EPHB3: variants seen among roughly 807,000 people sequenced by gnomAD.
The protein encoded by EPHB3 is ephrin type-B receptor 3.
In EPHB3, 33 loss-of-function variants were observed where a neutral mutation model predicts 100.2. The ratio of observed to expected loss-of-function variants is 0.33; its 90% CI spans 0.25 to 0.44. EPHB3 has a LOEUF of 0.44. Ranked by LOEUF, EPHB3 falls within the 20% of genes least tolerant of loss-of-function variation. The pLI, the probability that EPHB3 is intolerant of heterozygous loss-of-function variation, is 1.00. For synonymous variants in EPHB3, 526 were observed against 554.7 expected (o/e 0.95, Z 0.73); for missense variants, 1,045 against 1,378.3 (o/e 0.76, Z 3.83).
Position 184,562,138 on chromosome 3 carries a change from C to T in EPHB3, c.-98C>T. Reference sequence around the variant, plus strand: ...CCTGGGACCCGACGCGAGCCTGCCCCGGAGCCCGCCGAGCGCACCCTCTCT... The same window carrying T: ...CCTGGGACCCGACGCGAGCCTGCCCTGGAGCCCGCCGAGCGCACCCTCTCT... On this transcript the variant is annotated 5_prime_UTR_variant, in exon 1 of 16. Transcript: ENST00000330394. This position sits in a 1 kb window ranked among gnomAD's most constrained non-coding sequence, Gnocchi z 4.8. 5.4e-6 allele frequency: 1 copy of T among 184,626 alleles called. No homozygotes were observed. The highest frequency in any genetic ancestry group is 1.1e-5 in the Non-Finnish European group (1 of 92,540). The allele number at this position is 184,626 out of a possible 1,614,324, so 11.4% of individuals were successfully genotyped here.
chr3:184,578,554 C>A lies in EPHB3; in HGVS notation c.1801+88C>A. 6.4e-7 allele frequency: 1 copy of A among 1,563,194 alleles called. No individual in the cohort carries two copies. Among genetic ancestry groups the A allele is most frequent in the Non-Finnish European group, 8.8e-7 (1 of 1,140,118 alleles). ...CTTCTCCCTGCCTGGGACTTCATTC[C>A]TTAGAGATAAACCCTGAATGCCCCC... On this transcript the variant is annotated intron_variant, in intron 9 of 15. Coordinates refer to ENST00000330394, the MANE Select transcript of EPHB3 (RefSeq NM_004443.4). The surrounding 1 kb of genome is among the most constrained non-coding windows in gnomAD (Gnocchi z 4.7).
At position 184,571,492 on chromosome 3, in the gene EPHB3, C is replaced by G; in HGVS notation, c.183+110C>G. 8.8e-7 allele frequency: 1 copy of G among 1,141,056 alleles called. No homozygotes were observed. The highest frequency in any genetic ancestry group is 1.9e-5 in the Admixed American group (1 of 52,240). The allele number at this position is 1,141,056 out of a possible 1,614,324, so 70.7% of individuals were successfully genotyped here. On this transcript the variant is annotated intron_variant, in intron 2 of 15. Coordinates refer to ENST00000330394, the MANE Select transcript of EPHB3 (RefSeq NM_004443.4). This position sits in a 1 kb window ranked among gnomAD's most constrained non-coding sequence, Gnocchi z 5.0. ...AGGGCCTGGAGGAGGGCTGCCTCTGCCCTCTGCCTGTCACCCTCACTTCCT... is the reference window on the plus strand; with the variant it reads ...AGGGCCTGGAGGAGGGCTGCCTCTGGCCTCTGCCTGTCACCCTCACTTCCT...
intron 3 of EPHB3, 47 bp from the exon 4 acceptor site, chr3:184,575,783 C>G: frequency 6.5e-7 from 1 of 1,540,190 alleles, no homozygotes; most frequent in Non-Finnish European, 8.7e-7. Context: ...GGTCTGGTGT[C>G]TGCAGGGAAG....
At position 184,565,117 on chromosome 3, in the gene EPHB3, C is replaced by T. The variant is rs1035127557; in HGVS notation, c.118+2764C>T. ...GGTCACCAAGACTCTGCATCCAAGG[C>T]TGTCATCAGTTTTCCATGTGGATGG... On this transcript the variant is annotated intron_variant, in intron 1 of 15. Transcript: ENST00000330394. The surrounding 1 kb of genome is among the most constrained non-coding windows in gnomAD (Gnocchi z 4.8). Among the ~76,000 whole-genome samples, 1 of 152,168 alleles carries T rather than the reference C, an allele frequency of 6.6e-6. No individual in the cohort carries two copies. The highest frequency in any genetic ancestry group is 6.5e-5 in the Admixed American group (1 of 15,276).
intron 1 of EPHB3, among the ~76,000 whole-genome samples, chr3:184,567,907 T>A (rs1464985930): frequency 6.6e-6 from 1 of 152,190 alleles, no homozygotes; most frequent in Admixed American, 6.5e-5. Context: ...AAAGATTCAC[T>A]GTATATGAAT....
In EPHB3 at chr3:184,569,181, T is replaced by TCCGGCGGCCGGA. The variant is rs1714475513; in HGVS notation, c.119-2130_119-2129insCCGGACCGGCGG. Among the ~76,000 whole-genome samples, 1 of 133,300 alleles carries TCCGGCGGCCGGA rather than the reference T, an allele frequency of 7.5e-6. No homozygotes were observed. Among genetic ancestry groups the TCCGGCGGCCGGA allele is most frequent in the East Asian group, 2.4e-4 (1 of 4,140 alleles). The allele number at this position is 133,300 out of a possible 152,430, so 87.4% of individuals were successfully genotyped here. A position where few individuals can be genotyped will look rare whatever the true frequency, so the allele number is the denominator to read the frequency against. ...GGGAGCGGCTGGAGCCCCGGCCTGC[T>TCCGGCGGCCGGA]CCGGCGGGCGGACCGGCGGGCGGAC... On this transcript the variant is annotated intron_variant, in intron 1 of 15. Coordinates refer to ENST00000330394, the MANE Select transcript of EPHB3 (RefSeq NM_004443.4). This position sits in a 1 kb window ranked among gnomAD's most constrained non-coding sequence, Gnocchi z 5.4.
intron 3 of EPHB3, 101 bp from the exon 4 acceptor site, chr3:184,575,729 C>T: frequency 2.1e-6 from 3 of 1,420,542 alleles, no homozygotes; most frequent in Non-Finnish European, 2.8e-6. Context: ...GTGGAGGGGC[C>T]AGACCTAGGC....
Position 184,572,382 on chromosome 3 carries a change from A to C in EPHB3, c.184-122A>C, listed in dbSNP as rs1714562115. The C allele has an allele frequency of 8.7e-7, 1 of 1,142,882 alleles. No homozygotes were observed. Among genetic ancestry groups the C allele is most frequent in the Admixed American group, 3.6e-5 (1 of 27,922 alleles). The allele number at this position is 1,142,882 out of a possible 1,614,324, so 70.8% of individuals were successfully genotyped here. A position where few individuals can be genotyped will look rare whatever the true frequency, so the allele number is the denominator to read the frequency against. On this transcript the variant is annotated intron_variant, in intron 2 of 15. Coordinates refer to ENST00000330394, the MANE Select transcript of EPHB3 (RefSeq NM_004443.4). This position sits in a 1 kb window ranked among gnomAD's most constrained non-coding sequence, Gnocchi z 6.6. ...TGGAATTTGAGCCCATATAGCCTGT[A>C]TGCTCAGCCACTGCACACCATAGAA...
Position 184,573,952 on chromosome 3 carries a change from T to A in EPHB3, c.856+776T>A, listed in dbSNP as rs1323159323. On this transcript the variant is annotated intron_variant, in intron 3 of 15. Coordinates refer to ENST00000330394, the MANE Select transcript of EPHB3 (RefSeq NM_004443.4). The surrounding 1 kb of genome is among the most constrained non-coding windows in gnomAD (Gnocchi z 4.5). Reference sequence around the variant, plus strand: ...CTGGTCTCGAACTCCTGACCTCAAGTGATCCACCCGCCTCGGCCTCCCAAA... The same window carrying A: ...CTGGTCTCGAACTCCTGACCTCAAGAGATCCACCCGCCTCGGCCTCCCAAA... 6.6e-6 allele frequency among the ~76,000 whole-genome samples: 1 copy of A among 152,094 alleles called. No homozygotes were observed. Among genetic ancestry groups the A allele is most frequent in the Non-Finnish European group, 1.5e-5 (1 of 68,012 alleles).
rs13100244 is a variant in EPHB3, at chr3:184,569,207, C to G, written c.119-2111C>G. Among the ~76,000 whole-genome samples the G allele has an allele frequency of 6.6e-6, 1 of 151,444 alleles. No homozygotes were observed. The highest frequency in any genetic ancestry group is 2.4e-5 in the African/African-American group (1 of 41,284). On this transcript the variant is annotated intron_variant, in intron 1 of 15. Transcript: ENST00000330394. The surrounding 1 kb of genome is among the most constrained non-coding windows in gnomAD (Gnocchi z 5.4). ...CCGGCGGGCGGACCGGCGGGCGGAC[C>G]GGCGGGAGGACTGGCTGCGGGGGCA...
chr3:184,572,911 C>G lies in EPHB3; in HGVS notation c.591C>G (p.Gly197=). The change falls in exon 3 of 16, where the codon GGC becomes GGG. Residue 197 remains glycine, a synonymous_variant. Transcript: ENST00000330394. The surrounding 1 kb of genome is among the most constrained non-coding windows in gnomAD (Gnocchi z 6.6). ...AGFYLAFQDQ[G]ACMSLISVRA... is the part of the protein sequence containing the mutation. ...TCTACCTGGCCTTCCAGGACCAGGG[C>G]GCCTGCATGTCGCTCATCTCCGTGC... 1 of 1,564,272 alleles carries G rather than the reference C, an allele frequency of 6.4e-7. No individual in the cohort carries two copies. Among genetic ancestry groups the G allele is most frequent in the Non-Finnish European group, 8.7e-7 (1 of 1,153,990 alleles).
chr3:184,581,609 C>T lies in EPHB3; in HGVS notation c.2984C>T (p.Pro995Leu), dbSNP rs764822427. ...CGGCTGCAGATGAACCAGACGCTGC[C>T]TGTGCAGGTCTGACACCGGCTCCCA... ...DMRLQMNQTL[P>L]VQV The change falls in exon 16 of 16, where the codon CCT becomes CTT. Residue 995 changes from proline to leucine, a missense_variant. Coordinates refer to ENST00000330394, the MANE Select transcript of EPHB3 (RefSeq NM_004443.4). 1 of 1,610,992 alleles carries T rather than the reference C, an allele frequency of 6.2e-7. No homozygotes were observed. Among genetic ancestry groups the T allele is most frequent in the Non-Finnish European group, 8.5e-7 (1 of 1,178,702 alleles).
At chr3:184,576,821 C>T (rs776902371) in intron 4 of EPHB3, 21 bp from the exon 5 acceptor site, 1 of 1,523,530 alleles carries the variant, frequency 6.6e-7, no homozygotes, top group Non-Finnish European at 8.8e-7. Flanking sequence ...TCACTACCTT[C>T]TCCCTCCATA....
intron 3 of EPHB3, chr3:184,575,120 C>T: frequency 1.0e-6 from 1 of 984,754 alleles, no homozygotes; most frequent in Non-Finnish European, 1.2e-6. Context: ...TCCACAGAGC[C>T]TGTGTCCAGG....
At position 184,569,535 on chromosome 3, in the gene EPHB3, C is replaced by G. The variant is rs1277251819; in HGVS notation, c.119-1783C>G. Among the ~76,000 whole-genome samples the G allele has an allele frequency of 6.6e-6, 1 of 152,158 alleles. No homozygotes were observed. Among genetic ancestry groups the G allele is most frequent in the African/African-American group, 2.4e-5 (1 of 41,402 alleles). On this transcript the variant is annotated intron_variant, in intron 1 of 15. Transcript: ENST00000330394. The surrounding 1 kb of genome is among the most constrained non-coding windows in gnomAD (Gnocchi z 5.4). ...ATCTCGGCTTCCCTCGAGTACCCCC[C>G]AGGCCGAATGTCTGTGTCTGTCTGT...
chr3:184,566,563 G>A lies in EPHB3; in HGVS notation c.118+4210G>A, dbSNP rs896845927. ...TCACGCTGACCTCCCTGTGTGTACAGGCTGGCACACGTGTGTACACATCCT... is the reference window on the plus strand; with the variant it reads ...TCACGCTGACCTCCCTGTGTGTACAAGCTGGCACACGTGTGTACACATCCT... On this transcript the variant is annotated intron_variant, in intron 1 of 15. Coordinates refer to ENST00000330394, the MANE Select transcript of EPHB3 (RefSeq NM_004443.4). Among the ~76,000 whole-genome samples the A allele has an allele frequency of 3.3e-5, 5 of 152,156 alleles. No individual in the cohort carries two copies. The East Asian group carries it at 9.7e-4, about 29-fold the overall frequency.
rs1204872896 is a variant in EPHB3, at chr3:184,569,285, G to A, written c.119-2033G>A. 6.6e-6 allele frequency among the ~76,000 whole-genome samples: 1 copy of A among 152,074 alleles called. No individual in the cohort carries two copies. The highest frequency in any genetic ancestry group is 1.5e-5 in the Non-Finnish European group (1 of 67,984). On this transcript the variant is annotated intron_variant, in intron 1 of 15. Transcript: ENST00000330394. The surrounding 1 kb of genome is among the most constrained non-coding windows in gnomAD (Gnocchi z 5.4). ...GACTGACACTCGCGCTGCCGGCTGG[G>A]GACGAGGCCGCCTGGCAACCTCCCT... is the stretch of plus-strand genomic sequence containing the variant.
chr3:184,568,991 C>T (rs1714468810), intron 1 of EPHB3, among the ~76,000 whole-genome samples: 3 of 152,126 alleles, frequency 2.0e-5, no homozygotes, highest in Admixed American at 1.3e-4. Context: ...CCGTCCCCTC[C>T]CTCCGCTCCC....
chr3:184,566,383 T>C (rs1367771549), intron 1 of EPHB3, among the ~76,000 whole-genome samples: 1 of 152,214 alleles, frequency 6.6e-6, no homozygotes, highest in African/African-American at 2.4e-5. Context: ...ACAAAATGTG[T>C]TCTCTGTTCT....
Sources: allele counts gnomAD v4.1 joint callset (sites outside exome capture counted in the v4.1 genomes callset), GRCh38; gene constraint gnomAD v4.1.1; non-coding constraint Gnocchi (gnomAD v3.1); transcripts MANE v1.5; gene names NCBI Gene and HGNC (gene_info 2026-07-23, HGNC 2026-07-21).